SLC38A9: variants seen among roughly 807,000 people sequenced by gnomAD.
The protein encoded by SLC38A9 is solute carrier family 38 member 9.
A neutral mutation model predicts 62.3 loss-of-function variants in SLC38A9; 48 were observed. That is an observed-to-expected ratio of 0.77 (90% CI 0.61 to 0.98). SLC38A9 has a LOEUF of 0.98. SLC38A9 is among the 50% of genes least tolerant of loss of function. The pLI, the probability that SLC38A9 is intolerant of heterozygous loss-of-function variation, is 0.00. For synonymous variants in SLC38A9, 204 were observed against 227.7 expected (o/e 0.90, Z 0.94); for missense variants, 541 against 679.8 (o/e 0.80, Z 2.27).
At chr5:55,672,532 T>C in intron 4 of SLC38A9, 31 bp downstream of exon 4, 6 of 1,608,604 alleles carry the variant, frequency 3.7e-6, no homozygotes, top group Non-Finnish European at 5.1e-6. Flanking sequence ...TCAACTGAAT[T>C]TTAGACTATT....
At chr5:55,688,987 AAGC>A (rs3042004) in intron 3 of SLC38A9, among the ~76,000 whole-genome samples, 90,841 of 151,722 alleles carry the variant, frequency 0.6, 27,750 homozygotes, top group South Asian at 0.7. Flanking sequence ...GTAAATAAAA[AAGC>A]AGAAGTTTTG....
At chr5:55,685,825 C>CTATG (rs1753717724) in intron 3 of SLC38A9, among the ~76,000 whole-genome samples, 1 of 152,132 alleles carries the variant, frequency 6.6e-6, no homozygotes, top group Non-Finnish European at 1.5e-5. Context: ...TTGTTCCCCT[C>CTATG]TATGTGTCCA....
At chr5:55,706,551 G>T (rs899518106) in intron 2 of SLC38A9, among the ~76,000 whole-genome samples, 1 of 152,220 alleles carries the variant, frequency 6.6e-6, no homozygotes, top group Non-Finnish European at 1.5e-5. Context: ...TCACCTATGT[G>T]TATTTGTTCT....
chr5:55,663,681 C>T (rs1039508299), intron 8 of SLC38A9, among the ~76,000 whole-genome samples: 4 of 152,126 alleles, frequency 2.6e-5, no homozygotes, highest in African/African-American at 7.2e-5. Context: ...TGCAGTGATC[C>T]GAGATCGCGC....
At chr5:55,710,985 T>A (rs1326972263) in intron 2 of SLC38A9, among the ~76,000 whole-genome samples, 1 of 151,890 alleles carries the variant, frequency 6.6e-6, no homozygotes. Context: ...CTTTGTCATG[T>A]CTGAAGGTAT....
intron 2 of SLC38A9, among the ~76,000 whole-genome samples, chr5:55,700,345 A>G (rs1325612577): frequency 7.1e-6 from 1 of 140,138 alleles, no homozygotes; most frequent in Non-Finnish European, 1.6e-5. Context: ...CCCAATTAAA[A>G]AAAATAAAAC....
chr5:55,707,091 G>A (rs974962395), intron 2 of SLC38A9, among the ~76,000 whole-genome samples: 9 of 151,880 alleles, frequency 5.9e-5, no homozygotes, highest in Non-Finnish European at 8.8e-5. Flanking sequence ...CCAGCTGTGC[G>A]CCACTATGTT....
At chr5:55,639,354 T>A (rs1250991360) in intron 12 of SLC38A9, among the ~76,000 whole-genome samples, 1 of 148,100 alleles carries the variant, frequency 6.8e-6, no homozygotes, top group Non-Finnish European at 1.5e-5. Context: ...GAAAAAAAAA[T>A]GTATGAAATG....
At chr5:55,642,705 A>T (rs1322257595) in intron 12 of SLC38A9, among the ~76,000 whole-genome samples, 1 of 152,232 alleles carries the variant, frequency 6.6e-6, no homozygotes, top group Non-Finnish European at 1.5e-5. Context: ...CACAACCCTG[A>T]TAGGTAGCTA....
At chr5:55,644,950 G>A (rs1746076534) in intron 12 of SLC38A9, among the ~76,000 whole-genome samples, 1 of 150,756 alleles carries the variant, frequency 6.6e-6, no homozygotes, top group African/African-American at 2.4e-5. Context: ...TCCCATCTAT[G>A]AGTGAGAACA....
intron 3 of SLC38A9, among the ~76,000 whole-genome samples, chr5:55,676,371 G>C (rs1359429357): frequency 6.6e-6 from 1 of 152,014 alleles, no homozygotes; most frequent in Non-Finnish European, 1.5e-5. Context: ...TAGAGACAGG[G>C]TCTCGCCATA....
intron 1 of SLC38A9, among the ~76,000 whole-genome samples, chr5:55,711,723 C>G (rs763932816): frequency 4.6e-4 from 70 of 152,166 alleles, no homozygotes; most frequent in Admixed American, 2.9e-3. Context: ...TAGATGTCCC[C>G]AACTCGGGAT....
chr5:55,669,817 A>G lies in SLC38A9; in HGVS notation c.309T>C (p.Ser103=), dbSNP rs758733931. Residue 103 remains serine, a synonymous_variant, in exon 5 of 16, where the codon TCT becomes TCC. Transcript: ENST00000396865. The stretch of plus-strand genomic sequence containing the variant: ...CAGTGTAACTTTGAAGTTTATAAGC[A>G]GAGCCCAATGGACTATACACATAGC... ...EECYVYSPLG[S]AYKLQSYTEG... 6.2e-7 allele frequency: 1 copy of G among 1,613,912 alleles called. No homozygotes were observed. Among genetic ancestry groups the G allele is most frequent in the South Asian group, 1.1e-5 (1 of 91,068 alleles).
chr5:55,672,780 C>T (rs1402511146), intron 3 of SLC38A9, 85 bp from the exon 4 acceptor site: 9 of 1,390,912 alleles, frequency 6.5e-6, no homozygotes, highest in South Asian at 5.4e-5. Context: ...TTCTTATCCT[C>T]CATTAGTAAT....
At chr5:55,684,083 A>G (rs1002744138) in intron 3 of SLC38A9, among the ~76,000 whole-genome samples, 4 of 152,120 alleles carry the variant, frequency 2.6e-5, no homozygotes, top group Admixed American at 6.5e-5. Context: ...ATTCTTTTTG[A>G]AAAAACATTT....
intron 8 of SLC38A9, among the ~76,000 whole-genome samples, chr5:55,660,267 G>A (rs11739046): frequency 0.6 from 90,171 of 150,852 alleles, 27,486 homozygotes; most frequent in South Asian, 0.7. Context: ...AAAATTAGCC[G>A]GGCATGGTGG....
rs199797319 is a variant in SLC38A9, at chr5:55,645,832, C to T, written c.1124G>A (p.Cys375Tyr). The T allele has an allele frequency of 6.2e-7, 1 of 1,611,864 alleles. No individual in the cohort carries two copies. Among genetic ancestry groups the T allele is most frequent in the Non-Finnish European group, 8.5e-7 (1 of 1,179,144 alleles). Reference sequence around the variant, plus strand: ...GTTGTTCTTCAAGAGTGTGATGATACAATTATGAATAAAAAAAGCAAGGGT... The same window carrying T: ...GTTGTTCTTCAAGAGTGTGATGATATAATTATGAATAAAAAAAGCAAGGGT... Reference protein sequence around the residue: ...VLTLAFFIHNCIITLLKNNKK... With the variant: ...VLTLAFFIHNYIITLLKNNKK... Residue 375 changes from cysteine to tyrosine, a missense_variant, in exon 12 of 16, where the codon TGT becomes TAT. Physicochemically the swap from Cys to Tyr is radical, Grantham distance 194. Transcript: ENST00000396865.
chr5:55,690,724 A>C (rs1754609759), intron 3 of SLC38A9, among the ~76,000 whole-genome samples: 1 of 151,190 alleles, frequency 6.6e-6, no homozygotes, highest in South Asian at 2.1e-4. Flanking sequence ...ATTAATAGAT[A>C]AACTCTTCAC....
chr5:55,637,839 G>C (rs1254106184), intron 12 of SLC38A9, among the ~76,000 whole-genome samples: 1 of 152,126 alleles, frequency 6.6e-6, no homozygotes, highest in African/African-American at 2.4e-5. Flanking sequence ...TACAAAACTC[G>C]TTTGTGGCTG....
Sources: gnomAD v4.1 joint callset for allele counts (sites outside exome capture counted in the v4.1 genomes callset) on GRCh38, gnomAD v4.1.1 for gene constraint, MANE v1.5 for transcripts, NCBI Gene and HGNC (gene_info 2026-07-23, HGNC 2026-07-21) for gene names.